Variants in AOPEP observed in about 807,000 individuals in gnomAD.
AOPEP encodes the protein aminopeptidase O (putative), also known as aminopeptidase O.
In AOPEP, 77 loss-of-function variants were observed where a neutral mutation model predicts 98.1. That is an observed-to-expected ratio of 0.78 (90% CI 0.65 to 0.95). The LOEUF (loss-of-function observed/expected upper bound fraction) is 0.95. Ranked by LOEUF, AOPEP falls within the 40% of genes least tolerant of loss-of-function variation. The pLI, the probability that AOPEP is intolerant of heterozygous loss-of-function variation, is 0.00. For missense variants in AOPEP, 1,024 were observed against 1,024.7 expected (o/e 1.00, Z 0.01); for synonymous variants, 346 against 365.3 (o/e 0.95, Z 0.60).
At chr9:94,762,419 C>G (rs187072489) in intron 2 of AOPEP, among the ~76,000 whole-genome samples, 1 of 151,686 alleles carries the variant, frequency 6.6e-6, no homozygotes, top group South Asian at 2.1e-4. Flanking sequence ...TGCACTCCAG[C>G]CTGGGCGACA....
At position 95,006,708 on chromosome 9, in the gene AOPEP, A is replaced by G. The variant is rs72750382; in HGVS notation, c.2115+1092A>G. ...TATATGTCACTTCAGTTGAAGAATA[A>G]TAGAAAAAGTTGTGATTTGGAACAG... On this transcript the variant is annotated intron_variant, in intron 13 of 16. Coordinates refer to ENST00000375315, the MANE Select transcript of AOPEP (RefSeq NM_001193329.3). Among the ~76,000 whole-genome samples the G allele has an allele frequency of 5.2e-3, 792 of 152,188 alleles. 14 individuals carry two copies. Among genetic ancestry groups the G allele is most frequent in the South Asian group, 0.043 (207 of 4,826 alleles).
chr9:94,933,070 G>GCCCTGGGCAGAACTCTTC, intron 7 of AOPEP: 1 of 985,456 alleles, frequency 1.0e-6, no homozygotes, highest in Non-Finnish European at 1.2e-6. Flanking sequence ...CTCCTCTCTG[G>GCCCTGGGCAGAACTCTTC]CCCTGGGCAG....
chr9:95,068,283 A>T (rs1321036465), intron 14 of AOPEP, among the ~76,000 whole-genome samples: 1 of 151,948 alleles, frequency 6.6e-6, no homozygotes, highest in African/African-American at 2.4e-5. Context: ...AAACCATCTT[A>T]CATTTTCTCT....
intron 3 of AOPEP, among the ~76,000 whole-genome samples, chr9:94,788,241 TA>T (rs199865178): frequency 6.6e-6 from 1 of 151,558 alleles, no homozygotes; most frequent in East Asian, 1.9e-4. Flanking sequence ...ACCTGGCTAA[TA>T]AAAAAAAATT....
the AOPEP span, among the ~76,000 whole-genome samples, chr9:95,137,626 G>A: frequency 6.6e-6 from 1 of 152,158 alleles, no homozygotes; most frequent in Non-Finnish European, 1.5e-5. Context: ...TGTGGATTTG[G>A]AGTGTCTGAG....
intron 10 of AOPEP, among the ~76,000 whole-genome samples, chr9:94,973,837 G>A (rs1186490761): frequency 6.6e-6 from 1 of 152,180 alleles, no homozygotes; most frequent in African/African-American, 2.4e-5. Context: ...CTGGCTAAGT[G>A]GAAATGCTTC....
chr9:94,904,484 T>A (rs1388876558), intron 5 of AOPEP: 1 of 152,262 alleles, frequency 6.6e-6, no homozygotes, highest in African/African-American at 2.4e-5. Flanking sequence ...TTAAAAAGTC[T>A]TCCAGAATTG....
chr9:95,145,460 C>A, the AOPEP span: 1 of 152,162 alleles, frequency 6.6e-6, no homozygotes, highest in African/African-American at 2.4e-5. Flanking sequence ...CCAGCTCTCT[C>A]GATAATCTAT....
At chr9:94,894,980 C>A (rs4475561) in intron 5 of AOPEP, among the ~76,000 whole-genome samples, 1 of 152,038 alleles carries the variant, frequency 6.6e-6, no homozygotes, top group Non-Finnish European at 1.5e-5. Context: ...AATAATATTT[C>A]TAATAAATAC....
At chr9:94,805,685 C>G (rs1013190099) in intron 5 of AOPEP, among the ~76,000 whole-genome samples, 5 of 152,154 alleles carry the variant, frequency 3.3e-5, no homozygotes, top group Non-Finnish European at 7.4e-5. Context: ...AATGTTTATA[C>G]TAGTTCCTGA....
intron 5 of AOPEP, among the ~76,000 whole-genome samples, chr9:94,845,329 A>C (rs1159170108): frequency 6.6e-6 from 1 of 152,202 alleles, no homozygotes; most frequent in Non-Finnish European, 1.5e-5. Context: ...GCTGGTGTTG[A>C]ATGAACGAGG....
At chr9:94,822,599 T>C (rs941505062) in intron 5 of AOPEP, among the ~76,000 whole-genome samples, 2 of 152,214 alleles carry the variant, frequency 1.3e-5, no homozygotes, top group Non-Finnish European at 2.9e-5. Context: ...TTATAACTTC[T>C]ATTTTCCTAT....
chr9:94,839,591 TG>T, intron 5 of AOPEP, among the ~76,000 whole-genome samples: 1 of 152,328 alleles, frequency 6.6e-6, no homozygotes, highest in Admixed American at 6.5e-5. Flanking sequence ...TGATTCATTT[TG>T]TGGGTGATTT....
the AOPEP span, among the ~76,000 whole-genome samples, chr9:95,102,717 G>A: frequency 8.5e-5 from 13 of 152,190 alleles, no homozygotes; most frequent in East Asian, 3.9e-4. Flanking sequence ...CCTCAGGTCC[G>A]ACAGCCCAGG....
intron 5 of AOPEP, among the ~76,000 whole-genome samples, chr9:94,821,111 G>A (rs1303041283): frequency 1.3e-5 from 2 of 152,174 alleles, no homozygotes; most frequent in South Asian, 2.1e-4. Context: ...TTTTTAAATA[G>A]CATGGAGAAA....
At chr9:94,911,954 G>T in intron 5 of AOPEP, among the ~76,000 whole-genome samples, 1 of 152,150 alleles carries the variant, frequency 6.6e-6, no homozygotes, top group Non-Finnish European at 1.5e-5. Context: ...CCCTGACCAA[G>T]AAATGCACAT....
chr9:94,854,386 GC>G (rs2043930689), intron 5 of AOPEP, among the ~76,000 whole-genome samples: 1 of 152,094 alleles, frequency 6.6e-6, no homozygotes, highest in South Asian at 2.1e-4. Flanking sequence ...GTCTCTAAAG[GC>G]CATTTCTATT....
chr9:95,114,731 G>C, the AOPEP span: 1 of 1,605,944 alleles, frequency 6.2e-7, no homozygotes, highest in South Asian at 1.1e-5. Context: ...AGAGAGATAC[G>C]TCAGAGGGCA....
At chr9:94,816,178 T>G (rs542029981) in intron 5 of AOPEP, among the ~76,000 whole-genome samples, 13 of 152,320 alleles carry the variant, frequency 8.5e-5, no homozygotes, top group Admixed American at 7.8e-4. Context: ...TTTCTTTTTC[T>G]TGGATTAGCC....
Sources: gnomAD v4.1 joint callset for allele counts (sites outside exome capture counted in the v4.1 genomes callset) on GRCh38, gnomAD v4.1.1 for gene constraint, MANE v1.5 for transcripts, NCBI Gene and HGNC (gene_info 2026-07-23, HGNC 2026-07-21) for gene names.